KIF6: variants seen among roughly 807,000 people sequenced by gnomAD.
KIF6 encodes kinesin family member 6.
Under a neutral mutation model 112.7 loss-of-function variants are expected in KIF6, and 106 were observed. The ratio of observed to expected loss-of-function variants is 0.94; its 90% CI spans 0.80 to 1.11. The LOEUF (loss-of-function observed/expected upper bound fraction) is 1.11. Among genes scored for constraint, KIF6 ranks in the 50% least tolerant of loss-of-function variants. The pLI is 0.00. For missense variants in KIF6, 929 were observed against 964.0 expected, an observed-to-expected ratio of 0.96 and a Z score of 0.48; for synonymous variants, 339 against 339.9, an observed-to-expected ratio of 1.00 and a Z score of 0.03.
At chr6:39,371,767 C>T (rs1471190421) in intron 16 of KIF6, among the ~76,000 whole-genome samples, 2 of 152,098 alleles carry the variant, frequency 1.3e-5, no homozygotes, top group Non-Finnish European at 1.5e-5. Context: ...CATATAGATT[C>T]AAATTGGGTA....
chr6:39,722,720 A>G (rs1790290165), intron 1 of KIF6, among the ~76,000 whole-genome samples: 1 of 152,244 alleles, frequency 6.6e-6, no homozygotes, highest in Admixed American at 6.5e-5. Flanking sequence ...TTTTGCGGAC[A>G]AGAAGATATG....
chr6:39,638,904 A>C (rs984188607), intron 4 of KIF6, among the ~76,000 whole-genome samples: 3 of 152,112 alleles, frequency 2.0e-5, no homozygotes, highest in Non-Finnish European at 2.9e-5. Flanking sequence ...TCCGAGGTAT[A>C]GAAGCAATAT....
chr6:39,708,079 G>T lies in KIF6; in HGVS notation c.251+6613C>A, dbSNP rs562264828. Among the ~76,000 whole-genome samples, 5 of 152,224 alleles carry T rather than the reference G, an allele frequency of 3.3e-5. No individual in the cohort carries two copies. In the South Asian group the frequency reaches 8.3e-4, roughly 25 times the overall value. On this transcript the variant is annotated intron_variant, in intron 3 of 22. Coordinates refer to ENST00000287152, the MANE Select transcript of KIF6 (RefSeq NM_145027.6). ...TTGAAAGAGCAGGATCTCTTCTCTG[G>T]TTGGATTAGCAGAACTGGGTGTGCT...
At chr6:39,440,214 G>A (rs1374636070) in intron 13 of KIF6, among the ~76,000 whole-genome samples, 1 of 151,976 alleles carries the variant, frequency 6.6e-6, no homozygotes, top group Non-Finnish European at 1.5e-5. Flanking sequence ...AGCTGGGTGG[G>A]GAGCATGTGG....
intron 13 of KIF6, among the ~76,000 whole-genome samples, chr6:39,531,798 C>T (rs1778078052): frequency 6.6e-6 from 1 of 152,168 alleles, no homozygotes; most frequent in Admixed American, 6.5e-5. Context: ...GCCCCTGCCT[C>T]TCTCTCATCA....
chr6:39,455,801 G>A (rs553535437), intron 13 of KIF6, among the ~76,000 whole-genome samples: 22 of 151,252 alleles, frequency 1.5e-4, no homozygotes, highest in Non-Finnish European at 2.1e-4. Flanking sequence ...GAAATGAAGC[G>A]AGAAGGGAAG....
intron 19 of KIF6, among the ~76,000 whole-genome samples, chr6:39,356,479 A>G (rs1237778250): frequency 1.3e-5 from 2 of 152,010 alleles, no homozygotes; most frequent in African/African-American, 4.8e-5. Context: ...TGGTCAGGCT[A>G]GTCTTGAACT....
At chr6:39,554,154 A>G in intron 10 of KIF6, 1 of 158,002 alleles carries the variant, frequency 6.3e-6, no homozygotes, top group Non-Finnish European at 1.4e-5. Context: ...AAGAGCAAAA[A>G]CCGGACCAGC....
chr6:39,591,335 G>A (rs1055718532), intron 7 of KIF6, among the ~76,000 whole-genome samples: 1 of 152,168 alleles, frequency 6.6e-6, no homozygotes, highest in Non-Finnish European at 1.5e-5. Context: ...CTCAAAAATG[G>A]AGAAAATGAA....
At position 39,487,018 on chromosome 6, in the gene KIF6, C is replaced by T. The variant is rs145727239; in HGVS notation, c.1645+52985G>A. On this transcript the variant is annotated intron_variant, in intron 13 of 22. Coordinates refer to ENST00000287152, the MANE Select transcript of KIF6 (RefSeq NM_145027.6). ...ATTAAAAAAATTTCAAAATAACAAC[C>T]AAATGTTGTTAACAGTAACAACAAA... 9.4e-3 allele frequency among the ~76,000 whole-genome samples: 1,432 copies of T among 152,102 alleles called. 14 individuals carry two copies. The highest frequency in any genetic ancestry group is 0.041 in the Middle Eastern group (12 of 294).
At chr6:39,555,623 CT>C (rs1456470453) in intron 10 of KIF6, among the ~76,000 whole-genome samples, 4 of 152,032 alleles carry the variant, frequency 2.6e-5, no homozygotes, top group African/African-American at 7.3e-5. Context: ...ATTCATTTAC[CT>C]TTATTTAGAG....
intron 13 of KIF6, among the ~76,000 whole-genome samples, chr6:39,438,084 T>A (rs1771664205): frequency 1.3e-5 from 2 of 152,132 alleles, no homozygotes; most frequent in Non-Finnish European, 2.9e-5. Context: ...TTCAAGCGAT[T>A]CTCCTGTCTC....
intron 21 of KIF6, among the ~76,000 whole-genome samples, chr6:39,344,161 CGTG>C (rs1216513892): frequency 1.3e-5 from 2 of 152,134 alleles, no homozygotes; most frequent in Admixed American, 6.5e-5. Flanking sequence ...ATACTGTTCT[CGTG>C]GTAGTGAATA....
intron 13 of KIF6, among the ~76,000 whole-genome samples, chr6:39,483,911 G>A (rs879852964): frequency 6.6e-6 from 1 of 152,160 alleles, no homozygotes; most frequent in East Asian, 1.9e-4. Context: ...AATTCTGGCC[G>A]AGGGTCAGGA....
intron 3 of KIF6, chr6:39,690,828 A>T (rs1311841253): frequency 6.6e-6 from 1 of 152,314 alleles, no homozygotes; most frequent in Non-Finnish European, 1.5e-5. Context: ...TCCAGATGGA[A>T]ATGGCTGCAG....
chr6:39,598,054 G>T (rs550158227), intron 6 of KIF6, among the ~76,000 whole-genome samples: 1 of 152,188 alleles, frequency 6.6e-6, no homozygotes, highest in Admixed American at 6.5e-5. Context: ...AGGATTGGTG[G>T]GGCATGCCTG....
In KIF6 at chr6:39,391,950, T is replaced by C. The variant is rs1581750403; in HGVS notation, c.1811-6278A>G. ...ATGTATGTATATATGAATGCATGTA[T>C]ATATATATATGTGTGTGTGTGTGTA... On this transcript the variant is annotated intron_variant, in intron 15 of 22. Transcript: ENST00000287152. Among the ~76,000 whole-genome samples the C allele has an allele frequency of 4.6e-5, 7 of 151,236 alleles. No homozygotes were observed. In the East Asian group the frequency reaches 1.2e-3, roughly 25 times the overall value.
intron 6 of KIF6, among the ~76,000 whole-genome samples, chr6:39,602,250 G>C (rs969662111): frequency 6.6e-5 from 10 of 152,030 alleles, no homozygotes; most frequent in African/African-American, 2.4e-4. Flanking sequence ...ATGGAGAATA[G>C]ACTTTCTTTT....
Position 39,425,802 on chromosome 6 carries a change from A to G in KIF6, c.1754+5251T>C, listed in dbSNP as rs534728236. Among the ~76,000 whole-genome samples, 551 of 151,528 alleles carry G rather than the reference A, an allele frequency of 3.6e-3. 6 individuals are homozygous for G. Among genetic ancestry groups the G allele is most frequent in the Middle Eastern group, 0.027 (8 of 292 alleles). ...AGAAAAGATGTAAATACAAAAAAAAAAAAAAAAGGAAAAATCATAAGGGTT... is the reference window on the plus strand; with the variant it reads ...AGAAAAGATGTAAATACAAAAAAAAGAAAAAAAGGAAAAATCATAAGGGTT... On this transcript the variant is annotated intron_variant, in intron 14 of 22. Coordinates refer to ENST00000287152, the MANE Select transcript of KIF6 (RefSeq NM_145027.6).
Sources: allele counts gnomAD v4.1 joint callset (sites outside exome capture counted in the v4.1 genomes callset), GRCh38; gene constraint gnomAD v4.1.1; transcripts MANE v1.5; gene names NCBI Gene and HGNC (gene_info 2026-07-23, HGNC 2026-07-21).